The following SOX6 variants were observed in gnomAD, a reference collection of about 807,000 sequenced individuals.
SOX6 encodes the protein transcription factor SOX-6.
In SOX6, 11 loss-of-function variants were observed where a neutral mutation model predicts 97.8. That is an observed-to-expected ratio of 0.11 (90% CI 0.07 to 0.19). The LOEUF (loss-of-function observed/expected upper bound fraction) is 0.19, where lower values mean the gene tolerates loss of function less well. Ranked by LOEUF, SOX6 falls within the 10% of genes least tolerant of loss-of-function variation. The pLI, the probability that SOX6 is intolerant of heterozygous loss-of-function variation, is 1.00. For synonymous variants in SOX6, 360 were observed against 371.4 expected, an observed-to-expected ratio of 0.97 and a Z score of 0.35; for missense variants, 810 against 1,039.5, an observed-to-expected ratio of 0.78 and a Z score of 3.04.
intron 11 of SOX6, among the ~76,000 whole-genome samples, chr11:16,047,141 C>T (rs1261466135): frequency 6.6e-6 from 1 of 152,096 alleles, no homozygotes; most frequent in East Asian, 1.9e-4. Flanking sequence ...TAATACAACA[C>T]AGTCATTTCT....
rs188517205 is a variant in SOX6, at chr11:16,331,069, C to T, written c.237+9943G>A. On this transcript the variant is annotated intron_variant, in intron 2 of 15. Transcript: ENST00000683767. Reference sequence around the variant, plus strand: ...TATGCCTGGAGAGTCTCAAATGATTCCATAGAGCTCCTCTTAAGAGGTAAC... The same window carrying T: ...TATGCCTGGAGAGTCTCAAATGATTTCATAGAGCTCCTCTTAAGAGGTAAC... 4.9e-4 allele frequency among the ~76,000 whole-genome samples: 74 copies of T among 152,262 alleles called. 1 individual carries two copies. In the East Asian group the frequency reaches 0.013, roughly 26 times the overall value.
intron 13 of SOX6, among the ~76,000 whole-genome samples, chr11:16,003,752 TAA>T (rs1854472254): frequency 6.6e-6 from 1 of 152,104 alleles, no homozygotes; most frequent in Non-Finnish European, 1.5e-5. Flanking sequence ...TATATTCTGT[TAA>T]GTGTCATTTC....
At chr11:16,685,273 A>G (rs991786801) in intron 3 of SOX6, among the ~76,000 whole-genome samples, 19 of 152,362 alleles carry the variant, frequency 1.2e-4, no homozygotes, top group African/African-American at 4.3e-4. Flanking sequence ...TTAACTCTCC[A>G]GCATTAATTC....
At position 16,132,409 on chromosome 11, in the gene SOX6, GA is replaced by G. The variant is rs1220417609; in HGVS notation, c.778-20487del. Among the ~76,000 whole-genome samples the G allele has an allele frequency of 2.6e-4, 17 of 64,538 alleles. 2 individuals are homozygous for G. The East Asian group carries it at 7.5e-3, about 29-fold the overall frequency. The allele number at this position is 64,538 out of a possible 152,430, so 42.3% of individuals were successfully genotyped here. Reference sequence around the variant, plus strand: ...AAGAAAGAAAGAAAGAAAAAAGAAAGAAAGAAAGAAAGAAAGAAAGAAAGAA... The same window carrying G: ...AAGAAAGAAAGAAAGAAAAAAGAAAGAAGAAAGAAAGAAAGAAAGAAAGAA... On this transcript the variant is annotated intron_variant, in intron 6 of 15. Coordinates refer to ENST00000683767, the MANE Select transcript of SOX6 (RefSeq NM_001367873.1).
At chr11:16,358,541 G>A (rs1362723745), upstream of SOX6, among the ~76,000 whole-genome samples, 1 of 152,044 alleles carries the variant, frequency 6.6e-6, no homozygotes, top group Non-Finnish European at 1.5e-5. Flanking sequence ...ATGTGGCAGA[G>A]CATCAACTTA....
At chr11:16,345,181 A>G (rs1856743340) in intron 1 of SOX6, among the ~76,000 whole-genome samples, 1 of 152,066 alleles carries the variant, frequency 6.6e-6, no homozygotes, top group East Asian at 1.9e-4. Context: ...TTACACTCAC[A>G]TGGTACCAGT....
intron 3 of SOX6, chr11:16,311,495 G>A (rs1590114566): frequency 6.6e-6 from 1 of 152,120 alleles, no homozygotes; most frequent in East Asian, 1.9e-4. Context: ...CCTACTTTGA[G>A]CTGGCAATGT....
chr11:16,499,033 T>C (rs1860657614), intron 4 of SOX6, among the ~76,000 whole-genome samples: 1 of 152,090 alleles, frequency 6.6e-6, no homozygotes, highest in Admixed American at 6.6e-5. Context: ...TCACACCTAT[T>C]CCAAAATTGA....
chr11:16,272,839 A>G (rs957184098), intron 3 of SOX6, among the ~76,000 whole-genome samples: 11 of 151,892 alleles, frequency 7.2e-5, no homozygotes, highest in African/African-American at 1.2e-4. Flanking sequence ...GCCTTATAGC[A>G]GATGTGCTAT....
At chr11:16,094,819 C>T (rs1564951061) in intron 9 of SOX6, among the ~76,000 whole-genome samples, 1 of 151,834 alleles carries the variant, frequency 6.6e-6, no homozygotes, top group Admixed American at 6.6e-5. Flanking sequence ...CCCTCTCTAC[C>T]TCTTATGTCA....
chr11:16,466,433 T>A (rs1195722516), intron 1 of SOX6, among the ~76,000 whole-genome samples: 3 of 152,286 alleles, frequency 2.0e-5, no homozygotes, highest in African/African-American at 4.8e-5. Flanking sequence ...GTATTTCACA[T>A]CTTATAGATC....
chr11:16,522,816 G>T lies in SOX6; in HGVS notation n.610-46428C>A, dbSNP rs183630547. Among the ~76,000 whole-genome samples the T allele has an allele frequency of 9.9e-4, 151 of 152,236 alleles. 1 individual carries two copies. In the East Asian group the frequency reaches 0.026, roughly 27 times the overall value. On this transcript the variant is annotated intron_variant and non_coding_transcript_variant, in intron 4 of 5. Coordinates refer to the SOX6 transcript ENST00000524520. ...CCAAGCAAATGGAAAGCAAAAAAAG[G>T]CATGGGTTGCAATCCTAGTCTCTGA...
chr11:16,693,817 A>C (rs981069303), intron 3 of SOX6, among the ~76,000 whole-genome samples: 1 of 152,206 alleles, frequency 6.6e-6, no homozygotes, highest in Non-Finnish European at 1.5e-5. Flanking sequence ...CAGAAGTATT[A>C]TCTACATATA....
intron 3 of SOX6, among the ~76,000 whole-genome samples, chr11:16,706,471 A>AATATATATAT (rs1157835806): frequency 2.2e-4 from 5 of 22,264 alleles, no homozygotes; most frequent in Non-Finnish European, 3.8e-4. Flanking sequence ...AAAAAAAAAA[A>AATATATATAT]ATATATATAT....
chr11:15,990,961 C>T (rs989159799), intron 13 of SOX6, among the ~76,000 whole-genome samples: 1 of 152,198 alleles, frequency 6.6e-6, no homozygotes, highest in South Asian at 2.1e-4. Context: ...TAAATTACAA[C>T]ATTATAGTGC....
intron 3 of SOX6, among the ~76,000 whole-genome samples, chr11:16,251,297 T>C (rs192184274): frequency 6.6e-6 from 1 of 152,098 alleles, no homozygotes; most frequent in Non-Finnish European, 1.5e-5. Flanking sequence ...GAAACTGTAG[T>C]CTCACAGAGC....
intron 4 of SOX6, among the ~76,000 whole-genome samples, chr11:16,224,844 T>C (rs913908506): frequency 2.0e-5 from 3 of 152,036 alleles, no homozygotes; most frequent in African/African-American, 4.8e-5. Context: ...GTTTCCACCT[T>C]AGTAATTTAC....
rs558490830 is a variant in SOX6 at position 16,500,674 on chromosome 11, C to T, written n.610-24286G>A. On this transcript the variant is annotated intron_variant and non_coding_transcript_variant, in intron 4 of 5. Coordinates refer to the SOX6 transcript ENST00000524520. ...TTCTTATATACCAATAACAAACAAA[C>T]AGAGAGCCAAACCATGAGTGAACTC... 2.0e-5 allele frequency among the ~76,000 whole-genome samples: 3 copies of T among 152,228 alleles called. No individual in the cohort carries two copies. In the East Asian group the frequency reaches 5.8e-4, roughly 29 times the overall value.
intron 1 of SOX6, among the ~76,000 whole-genome samples, chr11:16,438,359 T>G (rs922378138): frequency 6.6e-6 from 1 of 152,052 alleles, no homozygotes; most frequent in Non-Finnish European, 1.5e-5. Flanking sequence ...AGAAAAAATT[T>G]CAAAATTGGG....
Sources: allele counts gnomAD v4.1 joint callset (sites outside exome capture counted in the v4.1 genomes callset), GRCh38; gene constraint gnomAD v4.1.1; transcripts MANE v1.5; gene names NCBI Gene and HGNC (gene_info 2026-07-23, HGNC 2026-07-21).